Variants in DNAJA3 observed in about 807,000 individuals in gnomAD.
DNAJA3 encodes the protein dnaJ homolog subfamily A member 3, mitochondrial.
A neutral mutation model predicts 54.9 loss-of-function variants in DNAJA3; 29 were observed. The observed-to-expected ratio is 0.53, with a 90% confidence interval of 0.39 to 0.72. DNAJA3 has a LOEUF of 0.72. Ranked by LOEUF, DNAJA3 falls within the 30% of genes least tolerant of loss-of-function variation. The pLI is 0.00. For synonymous variants in DNAJA3, 302 were observed against 251.4 expected (o/e 1.20, Z -1.90); for missense variants, 708 against 639.4 (o/e 1.11, Z -1.16).
chr16:4,445,673 T>A (rs1463349858), intron 7 of DNAJA3, among the ~76,000 whole-genome samples: 1 of 152,164 alleles, frequency 6.6e-6, no homozygotes, highest in South Asian at 2.1e-4. Flanking sequence ...CACCTCAGCC[T>A]CCTGAGTAGC....
At chr16:4,434,147 C>G in intron 1 of DNAJA3, 1 of 492,258 alleles carries the variant, frequency 2.0e-6, no homozygotes, top group South Asian at 2.5e-5. Context: ...AACTTACTAT[C>G]GCGAGACCAG....
intron 1 of DNAJA3, chr16:4,431,163 G>C (rs1358745880): frequency 6.6e-6 from 1 of 152,236 alleles, no homozygotes; most frequent in South Asian, 2.1e-4. Context: ...TGCCCGTAAT[G>C]TTGAAGCCAC....
At chr16:4,448,302 G>A (rs2056929931) in intron 8 of DNAJA3, among the ~76,000 whole-genome samples, 1 of 149,008 alleles carries the variant, frequency 6.7e-6, no homozygotes, top group South Asian at 2.1e-4. Context: ...TGGGATTACA[G>A]GCATGAGCCA....
At chr16:4,429,948 G>C (rs994138389) in intron 1 of DNAJA3, among the ~76,000 whole-genome samples, 2 of 151,976 alleles carry the variant, frequency 1.3e-5, no homozygotes, top group African/African-American at 2.4e-5. Flanking sequence ...AGTGAGCCAT[G>C]ATGATGCCAC....
chr16:4,430,563 C>CG (rs2056684847), intron 1 of DNAJA3: 1 of 99,400 alleles, frequency 1.0e-5, no homozygotes, highest in African/African-American at 3.7e-5. Flanking sequence ...AACTCCCTGT[C>CG]AAAAAAAAAA....
chr16:4,450,310 C>A (rs1339286394), intron 9 of DNAJA3, 90 bp from the exon 10 acceptor site: 8 of 1,089,798 alleles, frequency 7.3e-6, no homozygotes, highest in Non-Finnish European at 7.9e-6. Context: ...TCCCTCTCTT[C>A]CCATGTGCTG....
At chr16:4,431,651 C>T (rs2056702956) in intron 1 of DNAJA3, 2 of 151,946 alleles carry the variant, frequency 1.3e-5, no homozygotes, top group Non-Finnish European at 2.9e-5. Context: ...GATCTTGGCT[C>T]ACTGCAACCT....
chr16:4,426,493 A>T (rs573409967), intron 1 of DNAJA3, among the ~76,000 whole-genome samples: 3 of 152,350 alleles, frequency 2.0e-5, no homozygotes, highest in Admixed American at 1.3e-4. Context: ...GCCTGCCGTC[A>T]TCACCATTTT....
At chr16:4,426,936 G>A (rs981250852) in intron 1 of DNAJA3, 1 of 144,338 alleles carries the variant, frequency 6.9e-6, no homozygotes, top group African/African-American at 2.6e-5. Context: ...TTTTTTTTTT[G>A]AAACTGAATC....
At chr16:4,453,848 A>C (rs1380552668) in intron 10 of DNAJA3, among the ~76,000 whole-genome samples, 1 of 152,138 alleles carries the variant, frequency 6.6e-6, no homozygotes, top group African/African-American at 2.4e-5. Flanking sequence ...TCTTACTTAG[A>C]CTGAGGCCTT....
At chr16:4,455,168 T>C (rs766934385) in intron 11 of DNAJA3, among the ~76,000 whole-genome samples, 1 of 152,184 alleles carries the variant, frequency 6.6e-6, no homozygotes, top group Non-Finnish European at 1.5e-5. Context: ...GGCTGTGTCT[T>C]CTTCCTGGGG....
chr16:4,434,459 A>G lies in DNAJA3; in HGVS notation c.287A>G (p.Gln96Arg), dbSNP rs1265375498. Residue 96 changes from glutamine to arginine, a missense_variant, in exon 2 of 12, where the codon CAG (glutamine) becomes CGG (arginine). Physicochemically the swap from Gln to Arg is conservative, Grantham distance 43. Coordinates refer to ENST00000262375, the MANE Select transcript of DNAJA3 (RefSeq NM_005147.6). Reference protein sequence around the residue: ...SAPLAKEDYYQILGVPRNASQ... With the variant: ...SAPLAKEDYYRILGVPRNASQ... ...CCTTTGGCCAAAGAAGATTATTATC[A>G]GATATTAGGAGTGCCTCGAAATGCC... The G allele has an allele frequency of 6.2e-7, 1 of 1,614,088 alleles. No individual in the cohort carries two copies. The highest frequency in any genetic ancestry group is 2.2e-5 in the East Asian group (1 of 44,882).
chr16:4,435,375 C>G (rs998247817), intron 2 of DNAJA3, among the ~76,000 whole-genome samples: 3 of 152,082 alleles, frequency 2.0e-5, no homozygotes, highest in Admixed American at 6.6e-5. Context: ...GGATTGACAG[C>G]TTTTTATAAG....
At chr16:4,445,667 T>G (rs1422797370) in intron 7 of DNAJA3, among the ~76,000 whole-genome samples, 1 of 152,196 alleles carries the variant, frequency 6.6e-6, no homozygotes, top group Non-Finnish European at 1.5e-5. Context: ...TCCTCCCACC[T>G]CAGCCTCCTG....
chr16:4,433,960 A>G (rs943716551), intron 1 of DNAJA3: 21 of 215,634 alleles, frequency 9.7e-5, no homozygotes, highest in Non-Finnish European at 1.9e-4. Flanking sequence ...TAATAAAGAC[A>G]TACCTAAGAC....
chr16:4,437,559 G>A, intron 3 of DNAJA3, 74 bp downstream of exon 3: 9 of 1,237,734 alleles, frequency 7.3e-6, no homozygotes, highest in Non-Finnish European at 1.1e-5. Flanking sequence ...TTGCTACCTG[G>A]GACAGCCTGG....
chr16:4,444,314 C>T (rs888078005), intron 6 of DNAJA3, among the ~76,000 whole-genome samples: 1 of 151,548 alleles, frequency 6.6e-6, no homozygotes, highest in African/African-American at 2.4e-5. Context: ...CTCACAATAA[C>T]TGCTCCCTTT....
At chr16:4,439,250 A>G (rs1452677721) in intron 3 of DNAJA3, among the ~76,000 whole-genome samples, 1 of 151,684 alleles carries the variant, frequency 6.6e-6, no homozygotes, top group Non-Finnish European at 1.5e-5. Flanking sequence ...AATCCCAGCT[A>G]TTCAGGAGGC....
chr16:4,449,244 C>T (rs754786658), intron 9 of DNAJA3, among the ~76,000 whole-genome samples: 14 of 152,214 alleles, frequency 9.2e-5, no homozygotes, highest in Non-Finnish European at 1.8e-4. Context: ...GATCCACCCA[C>T]CTTGGCCTCC....
Sources: allele counts gnomAD v4.1 joint callset (sites outside exome capture counted in the v4.1 genomes callset), GRCh38; gene constraint gnomAD v4.1.1; transcripts MANE v1.5; gene names NCBI Gene and HGNC (gene_info 2026-07-23, HGNC 2026-07-21).